NEBL: variants seen among roughly 807,000 people sequenced by gnomAD.
The protein encoded by NEBL is LIM and SH3 protein 2.
In NEBL, 122 loss-of-function variants were observed where a neutral mutation model predicts 140.2. The ratio of observed to expected loss-of-function variants is 0.87; its 90% CI spans 0.75 to 1.01. NEBL has a LOEUF of 1.01. Among genes scored for constraint, NEBL ranks in the 50% least tolerant of loss-of-function variants. The probability of loss-of-function intolerance (pLI) is 0.00; values close to 1 mark genes in which losing one functional copy is unlikely to be tolerated. For synonymous variants in NEBL, 436 were observed against 398.9 expected, an observed-to-expected ratio of 1.09 and a Z score of -1.11; for missense variants, 1,365 against 1,231.3, an observed-to-expected ratio of 1.11 and a Z score of -1.62.
At chr10:20,935,479 C>G (rs1834431001) in intron 4 of NEBL, among the ~76,000 whole-genome samples, 1 of 152,098 alleles carries the variant, frequency 6.6e-6, no homozygotes, top group South Asian at 2.1e-4. Context: ...AACATGCTCC[C>G]CTCGGTAGTG....
intron 4 of NEBL, among the ~76,000 whole-genome samples, chr10:20,936,061 T>C (rs1244093111): frequency 6.6e-6 from 1 of 152,234 alleles, no homozygotes; most frequent in Non-Finnish European, 1.5e-5. Context: ...CTGCTACTTC[T>C]ACAAATTCAA....
rs189032412 is a variant in NEBL at position 21,163,432 on chromosome 10, G to A, written c.164+8951C>T. On this transcript the variant is annotated intron_variant, in intron 2 of 6. Transcript: ENST00000417816. ...GGCACGTCTTTCTGCACTGAGGTAT[G>A]CGTTTGCTGCAGTGTTCTTGCCACT... Among the ~76,000 whole-genome samples, 415 of 152,292 alleles carry A rather than the reference G, an allele frequency of 2.7e-3. 2 individuals are homozygous for A. The highest frequency in any genetic ancestry group is 9.4e-3 in the African/African-American group (391 of 41,552).
At chr10:20,897,371 G>A, upstream of NEBL, 1 of 1,424,390 alleles carries the variant, frequency 7.0e-7, no homozygotes, top group South Asian at 1.7e-5. Context: ...TCAGTGGTGT[G>A]TGAGTGAACA....
chr10:20,784,457 C>T lies in NEBL; in HGVS notation c.*1290G>A, dbSNP rs1034460803. 6.6e-6 allele frequency: 1 copy of T among 152,078 alleles called. No homozygotes were observed. Among genetic ancestry groups the T allele is most frequent in the African/African-American group, 2.4e-5 (1 of 41,422 alleles). The allele number at this position is 152,078 out of a possible 1,614,324, so 9.4% of individuals were successfully genotyped here. A position where few individuals can be genotyped will look rare whatever the true frequency, so the allele number is the denominator to read the frequency against. The stretch of plus-strand genomic sequence containing the variant: ...GCCTGTACTAAAAAATCTCTGATGA[C>T]ATTCCTGTTTCATTCCCTTAAAAAT... On this transcript the variant is annotated 3_prime_UTR_variant, in exon 28 of 28. Transcript: ENST00000377122.
At chr10:20,809,162 A>G (rs146136141) in intron 25 of NEBL, among the ~76,000 whole-genome samples, 1 of 152,308 alleles carries the variant, frequency 6.6e-6, no homozygotes, top group Non-Finnish European at 1.5e-5. Context: ...CAGGGGTTAG[A>G]GCAAGATCTA....
At chr10:21,005,370 A>C (rs527765221) in intron 3 of NEBL, among the ~76,000 whole-genome samples, 22 of 152,340 alleles carry the variant, frequency 1.4e-4, no homozygotes, top group African/African-American at 5.1e-4. Context: ...TGAATGGTAA[A>C]GCCTCAGTGT....
intron 3 of NEBL, among the ~76,000 whole-genome samples, chr10:21,016,860 G>A (rs190812426): frequency 1.3e-5 from 2 of 152,134 alleles, no homozygotes; most frequent in East Asian, 1.9e-4. Flanking sequence ...ACCTACCCAC[G>A]TTTTTGCAAA....
intron 1 of NEBL, among the ~76,000 whole-genome samples, chr10:21,271,617 C>T (rs1842861391): frequency 4.6e-5 from 7 of 151,592 alleles, no homozygotes; most frequent in Admixed American, 4.6e-4. Flanking sequence ...CCTCCACCTC[C>T]CAGGTTCAAG....
intron 3 of NEBL, among the ~76,000 whole-genome samples, chr10:20,990,295 T>C (rs1049921660): frequency 6.6e-6 from 1 of 152,206 alleles, no homozygotes; most frequent in Non-Finnish European, 1.5e-5. Context: ...CTTACAGCTA[T>C]GTTTGTGTCC....
At chr10:20,863,980 T>C (rs1844002125) in intron 7 of NEBL, among the ~76,000 whole-genome samples, 1 of 152,190 alleles carries the variant, frequency 6.6e-6, no homozygotes, top group Non-Finnish European at 1.5e-5. Flanking sequence ...AACCAATTAA[T>C]ACCCCTTGCA....
chr10:21,025,218 T>A (rs1249575343), intron 2 of NEBL, among the ~76,000 whole-genome samples: 1 of 152,028 alleles, frequency 6.6e-6, no homozygotes, highest in African/African-American at 2.4e-5. Context: ...AAAACATAAT[T>A]GTGGAAATAT....
chr10:21,038,107 T>G (rs1043613942), intron 2 of NEBL, among the ~76,000 whole-genome samples: 2 of 152,182 alleles, frequency 1.3e-5, no homozygotes, highest in African/African-American at 2.4e-5. Context: ...CTTTAAGGTT[T>G]TGAGGGCAAA....
At chr10:20,957,586 GA>G in intron 4 of NEBL, among the ~76,000 whole-genome samples, 1 of 152,192 alleles carries the variant, frequency 6.6e-6, no homozygotes, top group East Asian at 1.9e-4. Flanking sequence ...ACTGATCTAG[GA>G]AAATGGGGTT....
chr10:21,029,231 C>T (rs1833675151), intron 2 of NEBL: 4 of 1,497,018 alleles, frequency 2.7e-6, no homozygotes, highest in Admixed American at 1.7e-5. Context: ...ACTGCTCCAC[C>T]GGCTGCTCGG....
chr10:21,266,871 G>A (rs886441278), intron 1 of NEBL, among the ~76,000 whole-genome samples: 7 of 152,134 alleles, frequency 4.6e-5, no homozygotes, highest in South Asian at 2.1e-4. Flanking sequence ...TCTGCCTCCC[G>A]GGTTCAAGCA....
At chr10:21,024,988 G>A (rs1053357790) in intron 2 of NEBL, among the ~76,000 whole-genome samples, 1 of 152,152 alleles carries the variant, frequency 6.6e-6, no homozygotes. Context: ...GATTGTGAAA[G>A]GTCTTCCTAA....
chr10:21,177,954 A>G (rs181661921), upstream of NEBL, among the ~76,000 whole-genome samples: 50 of 152,290 alleles, frequency 3.3e-4, no homozygotes, highest in Non-Finnish European at 5.6e-4. Context: ...TCCATTTGTC[A>G]GGTATTGTAT....
chr10:20,977,762 T>C (rs1214461597), intron 3 of NEBL, among the ~76,000 whole-genome samples: 1 of 152,198 alleles, frequency 6.6e-6, no homozygotes, highest in African/African-American at 2.4e-5. Context: ...ATCAGAATGG[T>C]ACCTTTGAAA....
rs539071040 is a variant in NEBL at position 21,042,701 on chromosome 10, C to G, written c.165-22500G>C. On this transcript the variant is annotated intron_variant, in intron 2 of 6. Coordinates refer to the NEBL transcript ENST00000417816. ...ACAGAAAATCGCAAACACTGCAAAT[C>G]AGGCCTTTTTGTTCTCTGAGAGAGC... is the stretch of plus-strand genomic sequence containing the variant. Among the ~76,000 whole-genome samples the G allele has an allele frequency of 5.9e-5, 9 of 152,252 alleles. No individual in the cohort carries two copies. In the South Asian group the frequency reaches 1.9e-3, roughly 32 times the overall value.
Sources: allele counts gnomAD v4.1 joint callset (sites outside exome capture counted in the v4.1 genomes callset), GRCh38; gene constraint gnomAD v4.1.1; transcripts MANE v1.5; gene names NCBI Gene and HGNC (gene_info 2026-07-23, HGNC 2026-07-21).